The following MAML3 variants were observed in gnomAD, a reference collection of about 807,000 sequenced individuals.
The protein encoded by MAML3 is mastermind like transcriptional coactivator 3.
MAML3 carries 27 observed loss-of-function variants against 101.9 expected under a neutral mutation model. That is an observed-to-expected ratio of 0.27 (90% confidence interval 0.20 to 0.37). The LOEUF is 0.37. Ranked by LOEUF, MAML3 falls within the 10% of genes least tolerant of loss-of-function variation. The probability of loss-of-function intolerance (pLI) is 1.00; values close to 1 mark genes in which losing one functional copy is unlikely to be tolerated. For synonymous variants in MAML3, 501 were observed against 555.9 expected, an observed-to-expected ratio of 0.90 and a Z score of 1.39; for missense variants, 1,316 against 1,444.9, an observed-to-expected ratio of 0.91 and a Z score of 1.45.
chr4:140,040,594 C>G (rs1233545152), intron 1 of MAML3, among the ~76,000 whole-genome samples: 3 of 152,194 alleles, frequency 2.0e-5, no homozygotes, highest in Non-Finnish European at 2.9e-5. Flanking sequence ...AACTTCAAAG[C>G]ACACCCCTTC....
Position 140,076,435 on chromosome 4 carries a change from C to T in MAML3, c.468+76425G>A, listed in dbSNP as rs76331162. ...GAGATCTCAGGATAAGGTGTGAGCA[C>T]GAAAAGGAGACAAATGAGACTTTTG... is the stretch of plus-strand genomic sequence containing the variant. On this transcript the variant is annotated intron_variant, in intron 1 of 4. Transcript: ENST00000509479. 1.2e-3 allele frequency among the ~76,000 whole-genome samples: 184 copies of T among 150,978 alleles called. 1 individual carries two copies. In the East Asian group the frequency reaches 0.015, roughly 12 times the overall value.
rs868208690 is a variant in MAML3, at chr4:140,087,315, C to A, written c.468+65545G>T. 3.3e-5 allele frequency among the ~76,000 whole-genome samples: 5 copies of A among 152,196 alleles called. No homozygotes were observed. In the South Asian group the frequency reaches 1.0e-3, roughly 32 times the overall value. ...CTCTCAATGAATATGACTTCATATA[C>A]TCATCCCTGCCATAGCATCCCATTC... On this transcript the variant is annotated intron_variant, in intron 1 of 4. Transcript: ENST00000509479.
chr4:140,021,868 T>TGGAGAG (rs1485745513), intron 1 of MAML3, among the ~76,000 whole-genome samples: 4 of 152,186 alleles, frequency 2.6e-5, no homozygotes, highest in African/African-American at 9.7e-5. Flanking sequence ...AGCACTGTCA[T>TGGAGAG]CATAATGAGA....
chr4:139,944,075 T>C (rs574817846), intron 1 of MAML3, among the ~76,000 whole-genome samples: 1 of 151,986 alleles, frequency 6.6e-6, no homozygotes, highest in South Asian at 2.1e-4. Context: ...TTTCACCATG[T>C]TCGCTGGGAT....
At chr4:140,077,750 T>G (rs1727795105) in intron 1 of MAML3, among the ~76,000 whole-genome samples, 1 of 152,186 alleles carries the variant, frequency 6.6e-6, no homozygotes, top group African/African-American at 2.4e-5. Flanking sequence ...CCGGGTATGG[T>G]GGCTCACGCC....
chr4:140,057,280 A>G (rs1727365976), intron 1 of MAML3, among the ~76,000 whole-genome samples: 1 of 152,106 alleles, frequency 6.6e-6, no homozygotes. Flanking sequence ...TTATATATAT[A>G]TTTCCCCAAA....
chr4:140,088,352 C>T (rs936413511), intron 1 of MAML3, among the ~76,000 whole-genome samples: 4 of 152,146 alleles, frequency 2.6e-5, no homozygotes, highest in African/African-American at 9.7e-5. Flanking sequence ...TTCAGACAAA[C>T]CCCAATTTCT....
chr4:139,926,534 A>T (rs551777295), intron 1 of MAML3, among the ~76,000 whole-genome samples: 44 of 152,348 alleles, frequency 2.9e-4, no homozygotes, highest in Non-Finnish European at 4.7e-4. Flanking sequence ...TGGGAGGCGG[A>T]GCTTGCAGTG....
chr4:139,869,031 T>A (rs1218267776), intron 2 of MAML3, among the ~76,000 whole-genome samples: 1 of 152,196 alleles, frequency 6.6e-6, no homozygotes, highest in Admixed American at 6.5e-5. Flanking sequence ...CAGAAATGGG[T>A]GGGGCACTCA....
In MAML3 at chr4:139,717,043, A is replaced by G. The variant is rs1728000760; in HGVS notation, c.*2280T>C. On this transcript the variant is annotated 3_prime_UTR_variant, in exon 5 of 5. Transcript: ENST00000509479. The stretch of plus-strand genomic sequence containing the variant: ...ACTCTATTTTAAACAAACAGTATAT[A>G]TATATTTATATGTATATTTTTTACA... 1 of 152,502 alleles carries G rather than the reference A, an allele frequency of 6.6e-6. No homozygotes were observed. Among genetic ancestry groups the G allele is most frequent in the African/African-American group, 2.4e-5 (1 of 41,452 alleles). The allele number at this position is 152,502 out of a possible 1,614,324, so 9.4% of individuals were successfully genotyped here.
intron 2 of MAML3, among the ~76,000 whole-genome samples, chr4:139,762,531 C>T (rs1484370599): frequency 6.6e-6 from 1 of 152,124 alleles, no homozygotes; most frequent in Non-Finnish European, 1.5e-5. Flanking sequence ...TGATAACGGT[C>T]CCCAAAGAGG....
Position 139,785,941 on chromosome 4 carries a change from A to G in MAML3, c.2080-55274T>C, listed in dbSNP as rs1730297294. 6.6e-6 allele frequency among the ~76,000 whole-genome samples: 1 copy of G among 152,132 alleles called. No homozygotes were observed. The highest frequency in any genetic ancestry group is 6.5e-5 in the Admixed American group (1 of 15,276). On this transcript the variant is annotated intron_variant, in intron 2 of 4. Coordinates refer to ENST00000509479, the MANE Select transcript of MAML3 (RefSeq NM_018717.5). The surrounding 1 kb of genome is among the most constrained non-coding windows in gnomAD (Gnocchi z 4.3). ...GTAAAATGGGGGTGTTATGGACTGAATTGTGTCTCCCACCAAAATTCATAT... is the reference window on the plus strand; with the variant it reads ...GTAAAATGGGGGTGTTATGGACTGAGTTGTGTCTCCCACCAAAATTCATAT...
chr4:139,970,466 T>C (rs1734218144), intron 1 of MAML3, among the ~76,000 whole-genome samples: 1 of 152,114 alleles, frequency 6.6e-6, no homozygotes, highest in South Asian at 2.1e-4. Context: ...GTGCAGGCAG[T>C]GCAGATCCAC....
chr4:139,879,220 T>C (rs549489873), intron 2 of MAML3, among the ~76,000 whole-genome samples: 1 of 152,286 alleles, frequency 6.6e-6, no homozygotes, highest in East Asian at 1.9e-4. Flanking sequence ...ATGTACTATT[T>C]CTCCATTTGA....
At chr4:140,048,753 G>A (rs780627898) in intron 1 of MAML3, among the ~76,000 whole-genome samples, 53 of 152,130 alleles carry the variant, frequency 3.5e-4, no homozygotes, top group Admixed American at 7.9e-4. Flanking sequence ...ACTGAAAATC[G>A]TAACGAGTTT....
chr4:140,052,620 T>C (rs1238679253), intron 1 of MAML3, among the ~76,000 whole-genome samples: 1 of 151,288 alleles, frequency 6.6e-6, no homozygotes, highest in African/African-American at 2.4e-5. Flanking sequence ...CTATAACCTC[T>C]ACCTCCTAGG....
chr4:140,139,519 T>C (rs1728948610), intron 1 of MAML3, among the ~76,000 whole-genome samples: 1 of 152,184 alleles, frequency 6.6e-6, no homozygotes, highest in Non-Finnish European at 1.5e-5. Context: ...AGCAAGACCC[T>C]ATCTCTTAAC....
intron 1 of MAML3, among the ~76,000 whole-genome samples, chr4:139,949,627 T>A (rs1301005617): frequency 1.3e-5 from 2 of 152,232 alleles, no homozygotes; most frequent in Non-Finnish European, 2.9e-5. Context: ...AAACACAAAT[T>A]TAATTGACAT....
intron 1 of MAML3, among the ~76,000 whole-genome samples, chr4:140,146,114 CT>C (rs1206335886): frequency 6.6e-6 from 1 of 151,668 alleles, no homozygotes; most frequent in African/African-American, 2.4e-5. Flanking sequence ...CTCAACTGAT[CT>C]ACCGGTCTCG....
Sources: gnomAD v4.1 joint callset for allele counts (sites outside exome capture counted in the v4.1 genomes callset) on GRCh38, gnomAD v4.1.1 for gene constraint, Gnocchi (gnomAD v3.1) non-coding constraint, MANE v1.5 for transcripts, NCBI Gene and HGNC (gene_info 2026-07-23, HGNC 2026-07-21) for gene names.